Variants in FER observed in about 807,000 individuals in gnomAD.
The protein encoded by FER is FER tyrosine kinase, also known as tyrosine-protein kinase Fer.
Under a neutral mutation model 111.0 loss-of-function variants are expected in FER, and 63 were observed. The ratio of observed to expected loss-of-function variants is 0.57; its 90% CI spans 0.46 to 0.70. FER has a LOEUF of 0.70. Among genes scored for constraint, FER ranks in the 30% least tolerant of loss-of-function variants. FER has a pLI of 0.00. For synonymous variants in FER, 327 were observed against 313.9 expected (o/e 1.04, Z -0.44); for missense variants, 914 against 954.0 (o/e 0.96, Z 0.55).
chr5:108,954,607 T>C, intron 11 of FER, 122 bp from the exon 12 acceptor site: 1 of 735,936 alleles, frequency 1.4e-6, no homozygotes, highest in Non-Finnish European at 2.1e-6. Context: ...ATTGTATAAC[T>C]TTTAATTGGT....
At chr5:109,058,418 T>C (rs1300026013) in intron 16 of FER, among the ~76,000 whole-genome samples, 1 of 152,114 alleles carries the variant, frequency 6.6e-6, no homozygotes, top group Non-Finnish European at 1.5e-5. Context: ...TTTTCTTTGC[T>C]CCCATATTTA....
intron 13 of FER, among the ~76,000 whole-genome samples, chr5:108,973,561 G>A (rs1204121768): frequency 2.0e-5 from 3 of 151,724 alleles, no homozygotes; most frequent in Non-Finnish European, 1.5e-5. Context: ...TTTTGTAGCA[G>A]GAATACCCAT....
chr5:108,979,163 T>C (rs1367428310), intron 13 of FER, among the ~76,000 whole-genome samples: 3 of 152,172 alleles, frequency 2.0e-5, no homozygotes, highest in Non-Finnish European at 4.4e-5. Flanking sequence ...AGCTTGTGGT[T>C]ATAGACAATT....
intron 2 of FER, among the ~76,000 whole-genome samples, chr5:108,790,919 G>T (rs1755293292): frequency 1.3e-5 from 2 of 152,052 alleles, no homozygotes; most frequent in African/African-American, 4.8e-5. Flanking sequence ...TTTGTGTCTG[G>T]TTTCTTTGAC....
At chr5:108,825,570 T>G (rs1242088407) in intron 3 of FER, among the ~76,000 whole-genome samples, 1 of 152,164 alleles carries the variant, frequency 6.6e-6, no homozygotes. Context: ...ATTTGTGTAG[T>G]TAACGCAATT....
At chr5:109,033,569 G>A (rs1769941504) in intron 13 of FER, among the ~76,000 whole-genome samples, 4 of 152,120 alleles carry the variant, frequency 2.6e-5, no homozygotes, top group African/African-American at 9.7e-5. Flanking sequence ...AGAGGCGTAA[G>A]TAAAGCTTTA....
At chr5:108,761,047 C>A (rs749130316) in intron 1 of FER, among the ~76,000 whole-genome samples, 11 of 152,222 alleles carry the variant, frequency 7.2e-5, no homozygotes, top group Non-Finnish European at 1.2e-4. Context: ...TCTCCTGCCT[C>A]AGCCTCCTGA....
intron 2 of FER, among the ~76,000 whole-genome samples, chr5:108,796,858 T>C (rs182542525): frequency 1.4e-4 from 22 of 152,142 alleles, no homozygotes; most frequent in Admixed American, 1.4e-3. Context: ...TGCTTGGTGC[T>C]CTACCCCACT....
chr5:108,836,963 C>A lies in FER; in HGVS notation c.481+1156C>A, dbSNP rs573189689. The stretch of plus-strand genomic sequence containing the variant: ...GAAGTTGTATGCATATTCACAGTTT[C>A]CTTACTTATTTGTCATGTAACTCAG... On this transcript the variant is annotated intron_variant, in intron 5 of 19. Coordinates refer to ENST00000281092, the MANE Select transcript of FER (RefSeq NM_005246.4). Among the ~76,000 whole-genome samples, 152 of 152,188 alleles carry A rather than the reference C, an allele frequency of 1.0e-3. 1 individual carries two copies. Among genetic ancestry groups the A allele is most frequent in the African/African-American group, 3.3e-3 (137 of 41,544 alleles).
At chr5:109,112,818 A>G (rs1749785561) in intron 17 of FER, among the ~76,000 whole-genome samples, 2 of 152,172 alleles carry the variant, frequency 1.3e-5, no homozygotes, top group Non-Finnish European at 2.9e-5. Context: ...CAGAAGGGTC[A>G]CTGCAGTTTC....
In FER at chr5:108,897,845, T is replaced by C; in HGVS notation, c.1233T>C (p.Ser411=). ...NYEEDARSVT[S]MERKERLSKF... Reference sequence around the variant, plus strand: ...AAGAAGATGCACGATCAGTTACATCTATGGTAAGCTAAAGAATAATCCAAT... The same window carrying C: ...AAGAAGATGCACGATCAGTTACATCCATGGTAAGCTAAAGAATAATCCAAT... The change falls in exon 10 of 20, where the codon TCT becomes TCC. Residue 411 remains serine, a synonymous_variant. Coordinates refer to ENST00000281092, the MANE Select transcript of FER (RefSeq NM_005246.4). 1 of 1,606,098 alleles carries C rather than the reference T, an allele frequency of 6.2e-7. No homozygotes were observed. Among genetic ancestry groups the C allele is most frequent in the Non-Finnish European group, 8.5e-7 (1 of 1,177,008 alleles).
intron 13 of FER, among the ~76,000 whole-genome samples, chr5:108,979,373 A>C (rs1262154677): frequency 6.6e-6 from 1 of 152,140 alleles, no homozygotes; most frequent in Non-Finnish European, 1.5e-5. Context: ...CCTACTTCAC[A>C]GTGTTGTTGG....
chr5:109,046,268 A>G (rs2149908600), intron 15 of FER, among the ~76,000 whole-genome samples: 2 of 152,234 alleles, frequency 1.3e-5, no homozygotes, highest in South Asian at 4.1e-4. Flanking sequence ...ATCCAATGAA[A>G]TGGTTACCCT....
At chr5:108,946,470 T>C (rs1350541140) in intron 11 of FER, among the ~76,000 whole-genome samples, 1 of 151,978 alleles carries the variant, frequency 6.6e-6, no homozygotes, top group African/African-American at 2.4e-5. Flanking sequence ...AAACTTGAAT[T>C]ATAGGCTTCC....
chr5:108,841,318 A>T (rs1011615543), intron 5 of FER, among the ~76,000 whole-genome samples: 3 of 152,212 alleles, frequency 2.0e-5, no homozygotes, highest in African/African-American at 4.8e-5. Context: ...TTCCTATTGA[A>T]GGTTAAATTC....
In FER at chr5:108,869,399, C is replaced by A. The variant is rs543864781; in HGVS notation, c.665+1449C>A. 2.0e-5 allele frequency among the ~76,000 whole-genome samples: 3 copies of A among 152,182 alleles called. No homozygotes were observed. The East Asian group carries it at 5.8e-4, about 29-fold the overall frequency. On this transcript the variant is annotated intron_variant, in intron 6 of 19. Coordinates refer to ENST00000281092, the MANE Select transcript of FER (RefSeq NM_005246.4). The stretch of plus-strand genomic sequence containing the variant: ...GGAATGTAGTGATTTGAAGAATGTA[C>A]CCTCAAAATTCTTGTGTACCCAGAA...
chr5:109,015,235 C>A (rs1350440840), intron 13 of FER, among the ~76,000 whole-genome samples: 2 of 151,962 alleles, frequency 1.3e-5, no homozygotes, highest in African/African-American at 2.4e-5. Flanking sequence ...TAGTGTCGTT[C>A]CATTTTGATT....
intron 6 of FER, among the ~76,000 whole-genome samples, chr5:108,871,117 T>G (rs1764555459): frequency 6.6e-6 from 1 of 152,136 alleles, no homozygotes; most frequent in Non-Finnish European, 1.5e-5. Context: ...AAATACATTT[T>G]TGAAAAGGTA....
At chr5:109,139,130 T>C (rs1753223156) in intron 17 of FER, among the ~76,000 whole-genome samples, 2 of 152,114 alleles carry the variant, frequency 1.3e-5, no homozygotes, top group Non-Finnish European at 2.9e-5. Context: ...GGGTATAACA[T>C]TGAGAGAGGC....
Sources: allele counts gnomAD v4.1 joint callset (sites outside exome capture counted in the v4.1 genomes callset), GRCh38; gene constraint gnomAD v4.1.1; transcripts MANE v1.5; gene names NCBI Gene and HGNC (gene_info 2026-07-23, HGNC 2026-07-21).